PARD3B: variants seen among roughly 807,000 people sequenced by gnomAD.
PARD3B encodes the protein partitioning defective 3 homolog B.
PARD3B carries 103 observed loss-of-function variants against 130.2 expected under a neutral mutation model. The observed-to-expected ratio is 0.79, with a 90% CI of 0.67 to 0.93. The LOEUF (loss-of-function observed/expected upper bound fraction) is 0.93, where lower values mean the gene tolerates loss of function less well. Ranked by LOEUF, PARD3B falls within the 40% of genes least tolerant of loss-of-function variation. The pLI, the probability that PARD3B is intolerant of heterozygous loss-of-function variation, is 0.00. For synonymous variants in PARD3B, 583 were observed against 553.2 expected, an observed-to-expected ratio of 1.05 and a Z score of -0.76; for missense variants, 1,609 against 1,499.2, an observed-to-expected ratio of 1.07 and a Z score of -1.21.
rs147549151 is a variant in PARD3B, at chr2:205,159,715, T to C, written c.1620+808T>C. Among the ~76,000 whole-genome samples, 96 of 152,326 alleles carry C rather than the reference T, an allele frequency of 6.3e-4. 1 individual carries two copies. The highest frequency in any genetic ancestry group is 3.4e-3 in the Middle Eastern group (1 of 294). On this transcript the variant is annotated intron_variant, in intron 11 of 22. Coordinates refer to ENST00000406610, the MANE Select transcript of PARD3B (RefSeq NM_001302769.2). ...ACGTTTGCACCTCTTGCCACCCTCA[T>C]TATTATCTCACACCGTGCAAGGAGA... is the stretch of plus-strand genomic sequence containing the variant.
intron 2 of PARD3B, among the ~76,000 whole-genome samples, chr2:204,803,004 A>T (rs1444730940): frequency 6.7e-6 from 1 of 149,714 alleles, no homozygotes; most frequent in African/African-American, 2.5e-5. Context: ...TAATAATAAT[A>T]AAGAATAGAG....
chr2:205,386,165 T>C (rs1322267945), intron 18 of PARD3B, among the ~76,000 whole-genome samples: 1 of 152,196 alleles, frequency 6.6e-6, no homozygotes, highest in Non-Finnish European at 1.5e-5. Flanking sequence ...TTAATCCACA[T>C]ATGGTCAACA....
chr2:205,491,806 G>T, intron 20 of PARD3B, among the ~76,000 whole-genome samples: 1 of 152,134 alleles, frequency 6.6e-6, no homozygotes, highest in Non-Finnish European at 1.5e-5. Flanking sequence ...AAAGACAAAA[G>T]GTCAGCCTCA....
chr2:205,157,523 T>C (rs2034253005), intron 10 of PARD3B, among the ~76,000 whole-genome samples: 1 of 152,200 alleles, frequency 6.6e-6, no homozygotes, highest in Non-Finnish European at 1.5e-5. Context: ...GCCGCGTCAA[T>C]GGATCTGGCT....
At chr2:205,337,050 T>C (rs2043339798) in intron 18 of PARD3B, among the ~76,000 whole-genome samples, 1 of 152,184 alleles carries the variant, frequency 6.6e-6, no homozygotes, top group Non-Finnish European at 1.5e-5. Context: ...TTAAAAGTAT[T>C]TTTAGGTTCT....
intron 19 of PARD3B, among the ~76,000 whole-genome samples, chr2:205,420,098 C>A (rs926945413): frequency 6.6e-6 from 1 of 152,198 alleles, no homozygotes; most frequent in Non-Finnish European, 1.5e-5. Context: ...CCAGGTTATA[C>A]AGCATTGATT....
chr2:204,651,017 A>G (rs1163687497), intron 1 of PARD3B, among the ~76,000 whole-genome samples: 1 of 152,176 alleles, frequency 6.6e-6, no homozygotes, highest in African/African-American at 2.4e-5. Context: ...ACCTCCCACC[A>G]GGTCTCTCCC....
chr2:204,719,271 C>A (rs965990229), intron 2 of PARD3B, among the ~76,000 whole-genome samples: 3 of 152,132 alleles, frequency 2.0e-5, no homozygotes, highest in Non-Finnish European at 4.4e-5. Flanking sequence ...GCCAGCAAGG[C>A]TAACGGAGAC....
intron 16 of PARD3B, among the ~76,000 whole-genome samples, chr2:205,275,975 G>T (rs1201758917): frequency 6.6e-6 from 1 of 151,906 alleles, no homozygotes; most frequent in Admixed American, 6.6e-5. Flanking sequence ...TTATGAGAAT[G>T]GTGTTTGCAT....
intron 10 of PARD3B, among the ~76,000 whole-genome samples, chr2:205,138,553 G>T (rs1300272545): frequency 6.6e-6 from 1 of 152,188 alleles, no homozygotes; most frequent in Non-Finnish European, 1.5e-5. Flanking sequence ...AAAGTAATTT[G>T]ACAATAAAGA....
chr2:205,394,294 T>G (rs548543041), intron 18 of PARD3B, among the ~76,000 whole-genome samples: 1 of 152,328 alleles, frequency 6.6e-6, no homozygotes, highest in Non-Finnish European at 1.5e-5. Flanking sequence ...TTTGATTTCT[T>G]AAATTCTACT....
At chr2:205,162,253 A>T (rs1020151128) in intron 11 of PARD3B, among the ~76,000 whole-genome samples, 3 of 152,222 alleles carry the variant, frequency 2.0e-5, no homozygotes, top group Non-Finnish European at 4.4e-5. Context: ...TCAACTTGAT[A>T]TTTAACTTCA....
chr2:205,515,118 G>C (rs922190161), intron 21 of PARD3B, among the ~76,000 whole-genome samples: 23 of 152,058 alleles, frequency 1.5e-4, no homozygotes, highest in African/African-American at 5.3e-4. Context: ...GCATTAGTTT[G>C]TTGAGGGTAA....
At chr2:204,987,371 C>T (rs1693252561) in intron 3 of PARD3B, among the ~76,000 whole-genome samples, 4 of 152,116 alleles carry the variant, frequency 2.6e-5, no homozygotes, top group Admixed American at 2.6e-4. Flanking sequence ...GAATAGAATG[C>T]TTGTTGATTG....
intron 18 of PARD3B, among the ~76,000 whole-genome samples, chr2:205,386,843 G>A (rs2045677825): frequency 1.3e-5 from 2 of 152,002 alleles, no homozygotes; most frequent in Admixed American, 1.3e-4. Flanking sequence ...TCTGAGCTTT[G>A]GGAGGGATTA....
At chr2:204,596,426 C>T (rs1313005203) in intron 1 of PARD3B, among the ~76,000 whole-genome samples, 2 of 152,266 alleles carry the variant, frequency 1.3e-5, no homozygotes, top group South Asian at 2.1e-4. Context: ...TGGAGCCATA[C>T]TGAAAAATTA....
At chr2:204,892,331 TG>T (rs2046478464) in intron 2 of PARD3B, among the ~76,000 whole-genome samples, 1 of 152,138 alleles carries the variant, frequency 6.6e-6, no homozygotes. Context: ...GATCTTATTG[TG>T]GGCCACATTG....
At chr2:205,095,198 A>T (rs981556749) in intron 4 of PARD3B, among the ~76,000 whole-genome samples, 6 of 152,182 alleles carry the variant, frequency 3.9e-5, no homozygotes, top group African/African-American at 1.4e-4. Flanking sequence ...ACTGGGCTTA[A>T]GCAGTTTTAA....
chr2:205,238,036 G>A (rs1361306860), intron 15 of PARD3B, among the ~76,000 whole-genome samples: 1 of 152,060 alleles, frequency 6.6e-6, no homozygotes, highest in African/African-American at 2.4e-5. Flanking sequence ...TCTCATTCAT[G>A]AGTCTAGAAT....
Sources: gnomAD v4.1 joint callset for allele counts (sites outside exome capture counted in the v4.1 genomes callset) on GRCh38, gnomAD v4.1.1 for gene constraint, MANE v1.5 for transcripts, NCBI Gene and HGNC (gene_info 2026-07-23, HGNC 2026-07-21) for gene names.